The following KIF27 variants were observed in gnomAD, a reference collection of about 807,000 sequenced individuals.
KIF27 encodes kinesin family member 27, also known as kinesin-like protein KIF27.
Under a neutral mutation model 141.8 loss-of-function variants are expected in KIF27, and 84 were observed. The observed-to-expected ratio is 0.59, with a 90% CI of 0.50 to 0.71. The LOEUF (loss-of-function observed/expected upper bound fraction) is 0.71. Among genes scored for constraint, KIF27 ranks in the 30% least tolerant of loss-of-function variants. KIF27 has a pLI of 0.00. For synonymous variants in KIF27, 471 were observed against 569.5 expected, an observed-to-expected ratio of 0.83 and a Z score of 2.46; for missense variants, 1,306 against 1,628.4, an observed-to-expected ratio of 0.80 and a Z score of 3.41.
chr9:83,859,405 C>G (rs1949624839), intron 13 of KIF27, 34 bp from the exon 14 acceptor site: 6 of 1,462,192 alleles, frequency 4.1e-6, no homozygotes, highest in Non-Finnish European at 5.8e-6. Flanking sequence ...ACCTCAAAAA[C>G]AGTTACTAGA....
intron 16 of KIF27, among the ~76,000 whole-genome samples, chr9:83,848,324 T>TATATCATATATGATATATATG: frequency 1.1e-5 from 1 of 93,762 alleles, no homozygotes; most frequent in African/African-American, 4.4e-5. Flanking sequence ...ATCATATATC[T>TATATCATATATGATATATATG]ATATATCTAT....
chr9:83,888,673 G>C (rs1437808609), intron 7 of KIF27, 81 bp from the exon 8 acceptor site: 5 of 768,160 alleles, frequency 6.5e-6, no homozygotes, highest in African/African-American at 3.6e-5. Context: ...AAAAGTGAAA[G>C]TAATGTTAAA....
chr9:83,880,068 T>C (rs1279655942), intron 11 of KIF27: 18 of 588,306 alleles, frequency 3.1e-5, no homozygotes, highest in African/African-American at 5.5e-5. Context: ...AGAGAAATTA[T>C]CATTGTACCT....
intron 1 of KIF27, 146 bp from the exon 2 acceptor site, chr9:83,915,824 A>T: frequency 6.4e-6 from 3 of 465,856 alleles, no homozygotes; most frequent in Non-Finnish European, 1.1e-5. Context: ...TGTAAAATAC[A>T]TCGTAAATTT....
At chr9:83,848,446 AT>A (rs1212868111) in intron 16 of KIF27, among the ~76,000 whole-genome samples, 2 of 141,870 alleles carry the variant, frequency 1.4e-5, no homozygotes, top group Admixed American at 7.2e-5. Context: ...CATATATGCT[AT>A]ATGTATATAT....
In KIF27 at chr9:83,853,659, A is replaced by C. The variant is rs1203198561; in HGVS notation, c.3327T>G (p.Ile1109Met). The C allele has an allele frequency of 6.2e-7, 1 of 1,613,744 alleles. No individual in the cohort carries two copies. Among genetic ancestry groups the C allele is most frequent in the Non-Finnish European group, 8.5e-7 (1 of 1,179,686 alleles). ...EKLACLSPVEIRTILFRYFNK... is the reference protein window; with the variant it reads ...EKLACLSPVEMRTILFRYFNK... ...TGAAATATCTGAAAAGAATAGTTCT[A>C]ATCTCAACAGGACTCAGGCAAGCTA... Residue 1109 changes from isoleucine (I) to methionine (M), a missense_variant, in exon 15 of 18, where the codon ATT becomes ATG. Ile to Met is a conservative substitution (Grantham distance 10). Coordinates refer to ENST00000297814, the MANE Select transcript of KIF27 (RefSeq NM_017576.4).
chr9:83,871,174 A>T (rs1002372494), intron 11 of KIF27, among the ~76,000 whole-genome samples: 1 of 152,086 alleles, frequency 6.6e-6, no homozygotes, highest in Non-Finnish European at 1.5e-5. Context: ...TCCAGCCTCA[A>T]CTTCCTAAAG....
Position 83,908,433 on chromosome 9 carries a change from A to ATT in KIF27, c.499+17_499+18dup. 1 of 1,525,902 alleles carries ATT rather than the reference A, an allele frequency of 6.6e-7. No homozygotes were observed. 94.5% of individuals were successfully genotyped at this position (1,525,902 alleles called of 1,614,324 possible). A position where few individuals can be genotyped will look rare whatever the true frequency, so the allele number is the denominator to read the frequency against. On this transcript the variant is annotated intron_variant, in intron 3 of 17. Transcript: ENST00000297814. ...GTCTGTTTGCTAATGAAGGCAACTG[A>ATT]TTAAGTGTGCTACTTTACCTGTGTT...
In KIF27 at chr9:83,903,690, A is replaced by G; in HGVS notation, c.828T>C (p.Asn276=). 1 of 1,614,054 alleles carries G rather than the reference A, an allele frequency of 6.2e-7. No homozygotes were observed. Among genetic ancestry groups the G allele is most frequent in the Non-Finnish European group, 8.5e-7 (1 of 1,180,022 alleles). ...GTGGGTCCCCAAGAGCGCTTATTAC[A>G]TTTCCTAAAGCCAGCAATCCACTAT... ...QINSGLLALG[N]VISALGDPRR... The change falls in exon 4 of 18, where the codon AAT becomes AAC. Residue 276 remains asparagine, a synonymous_variant. Coordinates refer to ENST00000297814, the MANE Select transcript of KIF27 (RefSeq NM_017576.4).
At chr9:83,876,047 G>A (rs952325967) in intron 11 of KIF27, among the ~76,000 whole-genome samples, 8 of 152,132 alleles carry the variant, frequency 5.3e-5, no homozygotes, top group African/African-American at 9.6e-5. Flanking sequence ...AAGATGACAC[G>A]TACATGCTTA....
intron 11 of KIF27, among the ~76,000 whole-genome samples, chr9:83,879,319 A>AT (rs544141238): frequency 1.3e-3 from 188 of 149,148 alleles, no homozygotes; most frequent in Middle Eastern, 3.4e-3. Flanking sequence ...GAATTCTGTG[A>AT]TTTTTTTTTT....
At chr9:83,841,843 A>C (rs965795804) in intron 17 of KIF27, among the ~76,000 whole-genome samples, 8 of 152,190 alleles carry the variant, frequency 5.3e-5, no homozygotes, top group African/African-American at 1.9e-4. Flanking sequence ...TGATATATAA[A>C]AATACCTGAT....
chr9:83,900,854 T>G (rs2780086), intron 4 of KIF27, among the ~76,000 whole-genome samples: 3 of 150,804 alleles, frequency 2.0e-5, no homozygotes, highest in Non-Finnish European at 3.0e-5. Context: ...ATGAGGAAGG[T>G]CCTGCTCTAC....
chr9:83,845,300 C>T (rs1947119882), intron 16 of KIF27, among the ~76,000 whole-genome samples: 1 of 152,174 alleles, frequency 6.6e-6, no homozygotes. Context: ...ACCTGAACTG[C>T]CTATCATGAA....
rs192379518 is a variant in KIF27 at position 83,901,927 on chromosome 9, A to G, written c.1458+1133T>C. On this transcript the variant is annotated intron_variant, in intron 4 of 17. Coordinates refer to ENST00000297814, the MANE Select transcript of KIF27 (RefSeq NM_017576.4). Reference sequence around the variant, plus strand: ...CATTAAAAATGCCCTTTATATTAACATGGAATTGGGTTACTGTTAGTTTTG... The same window carrying G: ...CATTAAAAATGCCCTTTATATTAACGTGGAATTGGGTTACTGTTAGTTTTG... 2.9e-3 allele frequency among the ~76,000 whole-genome samples: 439 copies of G among 152,358 alleles called. 3 individuals carry two copies. The highest frequency in any genetic ancestry group is 1.4e-3 in the Non-Finnish European group (98 of 68,036).
Position 83,889,064 on chromosome 9 carries a change from T to C in KIF27, c.1979+20A>G. On this transcript the variant is annotated intron_variant, in intron 7 of 17. Coordinates refer to ENST00000297814, the MANE Select transcript of KIF27 (RefSeq NM_017576.4). ...CATATAATTCTAAATATTTATTAAA[T>C]CAGTGTATATTTAACATACCTAGTT... 1.3e-6 allele frequency: 2 copies of C among 1,591,832 alleles called. No homozygotes were observed. Among genetic ancestry groups the C allele is most frequent in the Non-Finnish European group, 1.7e-6 (2 of 1,167,230 alleles).
chr9:83,834,566 G>A lies in KIF27; in HGVS notation c.*2435C>T, dbSNP rs1478514725. Among the ~76,000 whole-genome samples, 2 of 151,954 alleles carry A rather than the reference G, an allele frequency of 1.3e-5. No homozygotes were observed. The highest frequency in any genetic ancestry group is 4.8e-5 in the African/African-American group (2 of 41,416). On this transcript the variant is annotated 3_prime_UTR_variant, in exon 18 of 18. Transcript: ENST00000297814. ...ATTAGTGAGTTGGCTTTGAGGAAAT[G>A]TGTATTTCCACAGGTAAAACAAGTA... is the stretch of plus-strand genomic sequence containing the variant.
intron 17 of KIF27, among the ~76,000 whole-genome samples, chr9:83,840,395 A>T (rs1946422809): frequency 2.0e-5 from 3 of 152,174 alleles, no homozygotes; most frequent in African/African-American, 7.2e-5. Context: ...ACTGGTCAGA[A>T]CAGTGTTGTT....
chr9:83,918,297 GAGAGAGAA>G (rs766562721), intron 1 of KIF27, among the ~76,000 whole-genome samples: 99 of 120,732 alleles, frequency 8.2e-4, no homozygotes, highest in Admixed American at 1.7e-3. Context: ...GTCTCAAAGA[GAGAGAGAA>G]AGAGAGAACG....
Sources: allele counts gnomAD v4.1 joint callset (sites outside exome capture counted in the v4.1 genomes callset), GRCh38; gene constraint gnomAD v4.1.1; transcripts MANE v1.5; gene names NCBI Gene and HGNC (gene_info 2026-07-23, HGNC 2026-07-21).